Variants in DNAH6 observed in about 807,000 individuals in gnomAD.
DNAH6 encodes dynein axonemal heavy chain 6, also known as axonemal beta dynein heavy chain 6.
DNAH6 carries 340 observed loss-of-function variants against 491.4 expected under a neutral mutation model. That is an observed-to-expected ratio of 0.69 (90% CI 0.63 to 0.76). The LOEUF (loss-of-function observed/expected upper bound fraction) is 0.76. Among genes scored for constraint, DNAH6 ranks in the 30% least tolerant of loss-of-function variants. The probability of loss-of-function intolerance (pLI) is 0.00; values close to 1 mark genes in which losing one functional copy is unlikely to be tolerated. For synonymous variants in DNAH6, 1,603 were observed against 1,686.1 expected (o/e 0.95, Z 1.21); for missense variants, 4,443 against 4,972.2 (o/e 0.89, Z 3.20).
At chr2:84,619,988 C>T (rs1156914576) in intron 24 of DNAH6, 84 bp downstream of exon 24, 4 of 1,183,950 alleles carry the variant, frequency 3.4e-6, no homozygotes, top group Non-Finnish European at 4.7e-6. Context: ...TACAGGTACT[C>T]TGTTGGCTCA....
At chr2:84,533,017 A>T (rs992403959) in intron 4 of DNAH6, among the ~76,000 whole-genome samples, 1 of 152,128 alleles carries the variant, frequency 6.6e-6, no homozygotes, top group African/African-American at 2.4e-5. Context: ...TATGCTTGAC[A>T]ATTTTTTTTC....
At chr2:84,640,062 C>T (rs2104496329) in intron 31 of DNAH6, among the ~76,000 whole-genome samples, 1 of 152,292 alleles carries the variant, frequency 6.6e-6, no homozygotes, top group Non-Finnish European at 1.5e-5. Flanking sequence ...GGTGGTGTTC[C>T]TGTCAGATCA....
At chr2:84,499,282 G>A in the DNAH6 span, among the ~76,000 whole-genome samples, 1 of 151,830 alleles carries the variant, frequency 6.6e-6, no homozygotes, top group East Asian at 1.9e-4. Flanking sequence ...ATAAATAAGT[G>A]AGAACATGCA....
rs368878188 is a variant in DNAH6, at chr2:84,525,003, T to C, written c.226-562T>C. On this transcript the variant is annotated intron_variant, in intron 2 of 76. Transcript: ENST00000389394. ...CAAGCCTTTTTTTCTTATCCCAGTA[T>C]ATGAGAGACTAGCAATTATGATAAA... Among the ~76,000 whole-genome samples the C allele has an allele frequency of 6.6e-5, 10 of 152,218 alleles. No homozygotes were observed. In the East Asian group the frequency reaches 1.2e-3, roughly 18 times the overall value.
the DNAH6 span, among the ~76,000 whole-genome samples, chr2:84,501,784 A>G: frequency 6.7e-6 from 1 of 148,642 alleles, no homozygotes; most frequent in Non-Finnish European, 1.5e-5. Context: ...AAATTTGTTC[A>G]TTTTTCTACA....
intron 46 of DNAH6, among the ~76,000 whole-genome samples, chr2:84,695,269 A>C (rs555494040): frequency 3.6e-4 from 55 of 152,278 alleles, no homozygotes; most frequent in African/African-American, 1.3e-3. Flanking sequence ...GAAATTTTCA[A>C]CCTCACCATT....
At chr2:84,535,760 T>C (rs2104480825) in intron 4 of DNAH6, among the ~76,000 whole-genome samples, 1 of 151,878 alleles carries the variant, frequency 6.6e-6, no homozygotes, top group Admixed American at 6.6e-5. Context: ...TCCAAGACAT[T>C]ATTAAAGTTT....
the DNAH6 span, among the ~76,000 whole-genome samples, chr2:84,481,388 A>G: frequency 7.9e-5 from 12 of 152,224 alleles, no homozygotes; most frequent in Admixed American, 7.2e-4. Context: ...GAAAAGAAAC[A>G]AGATGTACTT....
chr2:84,557,372 C>T (rs1463145911), intron 10 of DNAH6, among the ~76,000 whole-genome samples: 2 of 151,982 alleles, frequency 1.3e-5, no homozygotes, highest in Non-Finnish European at 2.9e-5. Flanking sequence ...ATAGGCCGGG[C>T]GCGGTGGCTC....
intron 18 of DNAH6, among the ~76,000 whole-genome samples, chr2:84,596,903 G>C (rs1485619374): frequency 1.3e-5 from 2 of 151,986 alleles, no homozygotes; most frequent in African/African-American, 4.8e-5. Flanking sequence ...ATTCCATCTT[G>C]GGTTCCCTCG....
the DNAH6 span, among the ~76,000 whole-genome samples, chr2:84,471,178 T>G: frequency 1.3e-5 from 2 of 152,188 alleles, no homozygotes; most frequent in African/African-American, 4.8e-5. Flanking sequence ...CCCAACATGC[T>G]CCCCTTCTCT....
chr2:84,460,872 A>G, the DNAH6 span, among the ~76,000 whole-genome samples: 1 of 152,228 alleles, frequency 6.6e-6, no homozygotes, highest in African/African-American at 2.4e-5. Flanking sequence ...AAAGGCTGAG[A>G]TGTAACAGAA....
chr2:84,520,240 T>G (rs910437469), intron 2 of DNAH6, among the ~76,000 whole-genome samples: 1 of 152,130 alleles, frequency 6.6e-6, no homozygotes, highest in Non-Finnish European at 1.5e-5. Context: ...TTTACTTAAT[T>G]CACACATATT....
the DNAH6 span, among the ~76,000 whole-genome samples, chr2:84,466,838 TGA>T: frequency 6.6e-6 from 1 of 152,196 alleles, no homozygotes. Context: ...AAAACATGAT[TGA>T]CAAAGAAATT....
intron 11 of DNAH6, among the ~76,000 whole-genome samples, chr2:84,572,961 G>A (rs148730546): frequency 7.9e-5 from 12 of 152,324 alleles, no homozygotes; most frequent in Middle Eastern, 3.4e-3. Flanking sequence ...AAGTTTAAGA[G>A]GGGTGAAGAA....
At chr2:84,533,457 C>T (rs1475595756) in intron 4 of DNAH6, among the ~76,000 whole-genome samples, 6 of 151,978 alleles carry the variant, frequency 3.9e-5, no homozygotes, top group Non-Finnish European at 4.4e-5. Flanking sequence ...GAGTAGACAG[C>T]GTTATCACTT....
rs1689251652 is a variant in DNAH6, at chr2:84,640,117, T to C, written c.4822-313T>C. ...TTTGTACTCGGGCCTAATGACACCATCCAACTTTCACGATGGGAACATTTT... is the reference window on the plus strand; with the variant it reads ...TTTGTACTCGGGCCTAATGACACCACCCAACTTTCACGATGGGAACATTTT... On this transcript the variant is annotated intron_variant, in intron 31 of 76. Coordinates refer to ENST00000389394, the MANE Select transcript of DNAH6 (RefSeq NM_001370.2). Among the ~76,000 whole-genome samples, 3 of 152,112 alleles carry C rather than the reference T, an allele frequency of 2.0e-5. No homozygotes were observed. The South Asian group carries it at 6.2e-4, about 32-fold the overall frequency.
chr2:84,490,160 C>T, the DNAH6 span, among the ~76,000 whole-genome samples: 1 of 152,128 alleles, frequency 6.6e-6, no homozygotes, highest in Non-Finnish European at 1.5e-5. Context: ...ATATTGTTTT[C>T]CACAGAAATA....
At chr2:84,698,253 G>T (rs1185728693) in intron 47 of DNAH6, among the ~76,000 whole-genome samples, 1 of 151,952 alleles carries the variant, frequency 6.6e-6, no homozygotes, top group African/African-American at 2.4e-5. Flanking sequence ...TAAGTTTCTG[G>T]CTGTTCTTTC....
Sources: gnomAD v4.1 joint callset for allele counts (sites outside exome capture counted in the v4.1 genomes callset) on GRCh38, gnomAD v4.1.1 for gene constraint, MANE v1.5 for transcripts, NCBI Gene and HGNC (gene_info 2026-07-23, HGNC 2026-07-21) for gene names.